CDYL: variants seen among roughly 807,000 people sequenced by gnomAD.
CDYL encodes the protein chromodomain Y-like protein.
Under a neutral mutation model 47.3 loss-of-function variants are expected in CDYL, and 8 were observed. The observed-to-expected ratio is 0.17, with a 90% CI of 0.10 to 0.31. The LOEUF (loss-of-function observed/expected upper bound fraction) is 0.31, where lower values mean the gene tolerates loss of function less well. Ranked by LOEUF, CDYL falls within the 10% of genes least tolerant of loss-of-function variation. The pLI is 1.00. For missense variants in CDYL, 471 were observed against 701.4 expected (o/e 0.67, Z 3.71); for synonymous variants, 266 against 265.0 (o/e 1.00, Z -0.04).
upstream of CDYL, among the ~76,000 whole-genome samples, chr6:4,773,622 T>G (rs1758371153): frequency 6.6e-6 from 1 of 152,206 alleles, no homozygotes; most frequent in Admixed American, 6.5e-5. This position sits in a 1 kb window ranked among gnomAD's most constrained non-coding sequence, Gnocchi z 4.6. Context: ...ATCAGTGAGT[T>G]TTAAATGGAG....
chr6:4,769,883 G>A (rs1397364179), intron 3 of CDYL, among the ~76,000 whole-genome samples: 6 of 151,986 alleles, frequency 3.9e-5, no homozygotes, highest in East Asian at 3.9e-4. Context: ...TGCAAGCTCC[G>A]CCTCCAGGGT....
At chr6:4,724,607 T>C (rs1052289805) in intron 2 of CDYL, 1 of 152,580 alleles carries the variant, frequency 6.6e-6, no homozygotes, top group African/African-American at 2.4e-5. Context: ...TTGGAGTTTC[T>C]TCCTTCTGAT....
rs544634980 is a variant in CDYL, at chr6:4,954,720, A to G, written c.*664A>G. On this transcript the variant is annotated 3_prime_UTR_variant, in exon 7 of 7. Coordinates refer to ENST00000397588, the MANE Select transcript of CDYL (RefSeq NM_004824.4). ...TCTTTTTAAAATACGTCCAGTTCTT[A>G]CCCAGTTAACATGAAGAAACCACTG... 1 of 152,428 alleles carries G rather than the reference A, an allele frequency of 6.6e-6. No homozygotes were observed. Among genetic ancestry groups the G allele is most frequent in the South Asian group, 2.1e-4 (1 of 4,824 alleles). The allele number at this position is 152,428 out of a possible 1,614,324, so 9.4% of individuals were successfully genotyped here.
chr6:4,925,409 CTTTT>C (rs58457972), intron 2 of CDYL, among the ~76,000 whole-genome samples: 14 of 109,304 alleles, frequency 1.3e-4, no homozygotes, highest in African/African-American at 4.2e-4. Context: ...ATTCTTTTTT[CTTTT>C]TTTTTTTTTT....
chr6:4,759,735 C>T (rs1176552065), intron 3 of CDYL, among the ~76,000 whole-genome samples: 2 of 150,570 alleles, frequency 1.3e-5, no homozygotes, highest in Non-Finnish European at 3.0e-5. Flanking sequence ...AAAAATTAGC[C>T]GGGCGTGGGG....
At chr6:4,931,935 G>A (rs1442569033) in intron 2 of CDYL, among the ~76,000 whole-genome samples, 2 of 152,248 alleles carry the variant, frequency 1.3e-5, no homozygotes, top group African/African-American at 2.4e-5. Flanking sequence ...AGAAAATGCT[G>A]AAGCTGTTTC....
chr6:4,895,111 CTA>C lies in CDYL; in HGVS notation c.691+2736_691+2737del, dbSNP rs897035502. 1.5e-4 allele frequency among the ~76,000 whole-genome samples: 23 copies of C among 149,342 alleles called. 1 individual carries two copies. The highest frequency in any genetic ancestry group is 7.3e-4 in the Admixed American group (11 of 15,054). On this transcript the variant is annotated intron_variant, in intron 2 of 6. Coordinates refer to ENST00000397588, the MANE Select transcript of CDYL (RefSeq NM_004824.4). ...TATATGTACATGTGTGTATATGTAT[CTA>C]TATGCATATATATGTGCATGTGTGT...
At chr6:4,734,987 C>T in intron 3 of CDYL, 2 of 1,388,406 alleles carry the variant, frequency 1.4e-6, no homozygotes, top group Non-Finnish European at 1.9e-6. Flanking sequence ...GCTGTGGACT[C>T]CTTAGAATGA....
chr6:4,761,501 G>A lies in CDYL; in HGVS notation c.186+26657G>A, dbSNP rs145476996. On this transcript the variant is annotated intron_variant, in intron 3 of 8. Coordinates refer to the CDYL transcript ENST00000328908. ...TGAGATTACAGGCGTCCGCCACCAC[G>A]CCCGGCTAATTTTTCTATTTTTAAT... Among the ~76,000 whole-genome samples, 905 of 152,218 alleles carry A rather than the reference G, an allele frequency of 5.9e-3. 9 individuals are homozygous for A. Among genetic ancestry groups the A allele is most frequent in the African/African-American group, 0.021 (860 of 41,526 alleles).
At chr6:4,779,597 CA>C (rs1430717134) in intron 1 of CDYL, among the ~76,000 whole-genome samples, 1 of 152,126 alleles carries the variant, frequency 6.6e-6, no homozygotes, top group African/African-American at 2.4e-5. Flanking sequence ...ATGAACCTTG[CA>C]AAATTTGAAG....
At chr6:4,759,528 A>G in intron 3 of CDYL, among the ~76,000 whole-genome samples, 1 of 152,066 alleles carries the variant, frequency 6.6e-6, no homozygotes. Context: ...TTTGAGTTTT[A>G]GCAACTTTGT....
At chr6:4,951,154 C>G (rs1758690759) in intron 5 of CDYL, among the ~76,000 whole-genome samples, 1 of 152,078 alleles carries the variant, frequency 6.6e-6, no homozygotes, top group Non-Finnish European at 1.5e-5. Context: ...ACTTCAGGGC[C>G]AAAACTGTCT....
At position 4,776,722 on chromosome 6, in the gene CDYL, G is replaced by A; in HGVS notation, c.-62G>A. 7.9e-7 allele frequency: 1 copy of A among 1,271,458 alleles called. No individual in the cohort carries two copies. Among genetic ancestry groups the A allele is most frequent in the Non-Finnish European group, 1.0e-6 (1 of 986,166 alleles). 78.8% of individuals were successfully genotyped at this position (1,271,458 alleles called of 1,614,324 possible). A position where few individuals can be genotyped will look rare whatever the true frequency, so the allele number is the denominator to read the frequency against. Reference sequence around the variant, plus strand: ...AGGACCCAACTGAAACAAAGTGTCGGCCGCCCGGCGCCGGCGCCCGCCCCG... The same window carrying A: ...AGGACCCAACTGAAACAAAGTGTCGACCGCCCGGCGCCGGCGCCCGCCCCG... On this transcript the variant is annotated 5_prime_UTR_variant, in exon 1 of 7. Transcript: ENST00000397588.
At chr6:4,785,263 C>T (rs1758725722) in intron 1 of CDYL, among the ~76,000 whole-genome samples, 1 of 152,194 alleles carries the variant, frequency 6.6e-6, no homozygotes, top group Admixed American at 6.5e-5. Context: ...CCTAACAACG[C>T]ATTTCTGAGA....
chr6:4,938,903 T>C (rs1288406261), intron 4 of CDYL, among the ~76,000 whole-genome samples: 1 of 152,206 alleles, frequency 6.6e-6, no homozygotes, highest in African/African-American at 2.4e-5. Flanking sequence ...ATCATGCTAA[T>C]CACTCCATGT....
At chr6:4,896,383 C>A (rs1347403915) in intron 2 of CDYL, among the ~76,000 whole-genome samples, 1 of 152,186 alleles carries the variant, frequency 6.6e-6, no homozygotes, top group Non-Finnish European at 1.5e-5. Flanking sequence ...CAGACTAAAT[C>A]GAACTGTGCC....
chr6:4,814,318 TGA>T (rs1482952549), intron 1 of CDYL, among the ~76,000 whole-genome samples: 1 of 152,186 alleles, frequency 6.6e-6, no homozygotes, highest in African/African-American at 2.4e-5. Context: ...GTTGAAATCA[TGA>T]GAGGGGAAAA....
intron 1 of CDYL, among the ~76,000 whole-genome samples, chr6:4,815,348 A>G (rs1759641759): frequency 6.6e-6 from 1 of 152,226 alleles, no homozygotes; most frequent in African/African-American, 2.4e-5. Context: ...TTTGTATGTC[A>G]CTATGTAGTC....
intron 1 of CDYL, among the ~76,000 whole-genome samples, chr6:4,877,867 G>T (rs891989895): frequency 6.6e-6 from 1 of 152,114 alleles, no homozygotes; most frequent in Non-Finnish European, 1.5e-5. Flanking sequence ...CCACATAAAA[G>T]CTTGCCAGGA....
Sources: gnomAD v4.1 joint callset for allele counts (sites outside exome capture counted in the v4.1 genomes callset) on GRCh38, gnomAD v4.1.1 for gene constraint, Gnocchi (gnomAD v3.1) non-coding constraint, MANE v1.5 for transcripts, NCBI Gene and HGNC (gene_info 2026-07-23, HGNC 2026-07-21) for gene names.